The following LRRC49 variants were observed in gnomAD, a reference collection of about 807,000 sequenced individuals.
LRRC49 encodes leucine rich repeat containing 49, also known as leucine-rich repeat-containing protein 49.
A neutral mutation model predicts 83.3 loss-of-function variants in LRRC49; 50 were observed. The ratio of observed to expected loss-of-function variants is 0.60; its 90% CI spans 0.48 to 0.76. The LOEUF (loss-of-function observed/expected upper bound fraction) is 0.76. Ranked by LOEUF, LRRC49 falls within the 30% of genes least tolerant of loss-of-function variation. LRRC49 has a pLI of 0.00. For missense variants in LRRC49, 704 were observed against 809.1 expected (o/e 0.87, Z 1.58); for synonymous variants, 286 against 283.3 (o/e 1.01, Z -0.10).
chr15:70,879,086 A>G (rs1205245440), intron 2 of LRRC49, among the ~76,000 whole-genome samples: 6 of 152,198 alleles, frequency 3.9e-5, no homozygotes, highest in Admixed American at 2.0e-4. Context: ...TTCTTTGTGG[A>G]AAGGATTATA....
chr15:70,891,610 TGTGTGTGTGA>T (rs1367911934), upstream of LRRC49, among the ~76,000 whole-genome samples: 1 of 105,242 alleles, frequency 9.5e-6, no homozygotes, highest in East Asian at 3.5e-4. Flanking sequence ...TGTGTGTGTG[TGTGTGTGTGA>T]GTTTTGGGGG....
At chr15:70,892,660 G>C (rs1269883176), upstream of LRRC49, 5 of 1,447,238 alleles carry the variant, frequency 3.5e-6, no homozygotes, top group Non-Finnish European at 4.5e-6. Flanking sequence ...TTTTTATGAG[G>C]CTGGGAAAAT....
chr15:70,938,287 C>T (rs1199072770), intron 8 of LRRC49, among the ~76,000 whole-genome samples: 1 of 152,090 alleles, frequency 6.6e-6, no homozygotes, highest in African/African-American at 2.4e-5. Context: ...TCTGCTCACC[C>T]AGCAAAACAA....
intron 14 of LRRC49, among the ~76,000 whole-genome samples, chr15:71,027,586 T>A (rs967529839): frequency 1.3e-5 from 2 of 152,194 alleles, no homozygotes. Context: ...CATGGAATAT[T>A]TTTCCATTTG....
Position 70,927,303 on chromosome 15 carries a change from A to T in LRRC49, c.711+8110A>T, listed in dbSNP as rs565770019. Among the ~76,000 whole-genome samples the T allele has an allele frequency of 9.2e-5, 14 of 152,174 alleles. No individual in the cohort carries two copies. In the South Asian group the frequency reaches 2.3e-3, roughly 25 times the overall value. On this transcript the variant is annotated intron_variant, in intron 7 of 15. Transcript: ENST00000260382. ...CTTTTCAAGCATCTTTTCATCTTTT[A>T]TGAAGTATCAGTTCAAATCTGTTAC...
At chr15:70,938,364 G>T (rs1000362705) in intron 8 of LRRC49, among the ~76,000 whole-genome samples, 9 of 152,248 alleles carry the variant, frequency 5.9e-5, no homozygotes, top group African/African-American at 2.2e-4. Context: ...AGAAAATAAA[G>T]ATAGAAGTCA....
chr15:70,940,555 T>C (rs2035777434), intron 8 of LRRC49, among the ~76,000 whole-genome samples: 1 of 152,196 alleles, frequency 6.6e-6, no homozygotes, highest in Non-Finnish European at 1.5e-5. Context: ...ATGGATATTT[T>C]TTATGAGCTC....
Position 71,012,243 on chromosome 15 carries a change from G to A in LRRC49, c.1594-561G>A, listed in dbSNP as rs535799023. Among the ~76,000 whole-genome samples, 31 of 152,258 alleles carry A rather than the reference G, an allele frequency of 2.0e-4. 1 individual carries two copies. The South Asian group carries it at 6.4e-3, about 32-fold the overall frequency. On this transcript the variant is annotated intron_variant, in intron 13 of 15. Coordinates refer to ENST00000260382, the MANE Select transcript of LRRC49 (RefSeq NM_017691.5). ...TTTAGTACTTTCTTGGTTAATGTAA[G>A]AATGGGTCCTCATAGGGTATACTTG...
intron 7 of LRRC49, among the ~76,000 whole-genome samples, chr15:70,931,651 A>C (rs957854315): frequency 2.6e-5 from 4 of 152,190 alleles, no homozygotes; most frequent in African/African-American, 9.6e-5. Context: ...AAATTTAAAG[A>C]TAAATATTCC....
intron 10 of LRRC49, among the ~76,000 whole-genome samples, chr15:70,983,021 G>A (rs1419893428): frequency 1.3e-5 from 2 of 152,202 alleles, no homozygotes; most frequent in East Asian, 3.9e-4. Context: ...AGGTGAAGAG[G>A]GGTCAGTATC....
chr15:71,017,101 AC>A (rs2038852574), intron 14 of LRRC49, among the ~76,000 whole-genome samples: 1 of 152,180 alleles, frequency 6.6e-6, no homozygotes, highest in African/African-American at 2.4e-5. Context: ...ACAGAGCAAG[AC>A]CCTGTCTCTA....
intron 15 of LRRC49, among the ~76,000 whole-genome samples, chr15:71,039,833 T>C (rs1431429133): frequency 1.3e-5 from 2 of 152,202 alleles, no homozygotes; most frequent in Admixed American, 1.3e-4. Flanking sequence ...CAGTAAAATC[T>C]ACCAACTTTT....
At chr15:70,992,858 T>G (rs2141242156) in intron 11 of LRRC49, among the ~76,000 whole-genome samples, 1 of 152,322 alleles carries the variant, frequency 6.6e-6, no homozygotes, top group East Asian at 1.9e-4. Context: ...GCAGTCTGTC[T>G]GTTCTCAGAT....
At chr15:70,949,913 G>C (rs2036154587) in intron 8 of LRRC49, among the ~76,000 whole-genome samples, 1 of 152,098 alleles carries the variant, frequency 6.6e-6, no homozygotes, top group African/African-American at 2.4e-5. Flanking sequence ...CCATTACCAA[G>C]GTAGTGAGCA....
chr15:70,927,082 A>T (rs1405560259), intron 7 of LRRC49, among the ~76,000 whole-genome samples: 13 of 152,166 alleles, frequency 8.5e-5, no homozygotes, highest in Non-Finnish European at 1.8e-4. Flanking sequence ...GTCAGGAAAC[A>T]ACAGGTGCTG....
chr15:70,929,543 G>A (rs2035332089), intron 7 of LRRC49, among the ~76,000 whole-genome samples: 1 of 152,168 alleles, frequency 6.6e-6, no homozygotes, highest in Non-Finnish European at 1.5e-5. Flanking sequence ...TGAAGGTTGG[G>A]ATGGCTGTGG....
At chr15:70,925,034 T>C (rs1470525109) in intron 7 of LRRC49, among the ~76,000 whole-genome samples, 1 of 152,056 alleles carries the variant, frequency 6.6e-6, no homozygotes, top group African/African-American at 2.4e-5. Context: ...TGTGGAACTA[T>C]CTTATTTTAT....
At chr15:70,859,853 A>C in intron 1 of LRRC49, 1 of 768,180 alleles carries the variant, frequency 1.3e-6, no homozygotes, top group East Asian at 2.5e-5. Context: ...GATGAATGTC[A>C]AGCTGGCCTT....
intron 1 of LRRC49, chr15:70,872,873 C>A: frequency 4.4e-6 from 1 of 228,258 alleles, no homozygotes; most frequent in African/African-American, 2.2e-5. Flanking sequence ...ATCTTATAAA[C>A]TTGACATAAC....
Sources: gnomAD v4.1 joint callset for allele counts (sites outside exome capture counted in the v4.1 genomes callset) on GRCh38, gnomAD v4.1.1 for gene constraint, MANE v1.5 for transcripts, NCBI Gene and HGNC (gene_info 2026-07-23, HGNC 2026-07-21) for gene names.